Variants in SCGB2B2 observed in about 807,000 individuals in gnomAD.
The protein encoded by SCGB2B2 is secretoglobin-like protein.
A neutral mutation model predicts 7.6 loss-of-function variants in SCGB2B2; 11 were observed. That is an observed-to-expected ratio of 1.45 (90% CI 0.91 to 2.40). The LOEUF is 2.40. SCGB2B2 is among the 30% of genes most tolerant of loss of function. SCGB2B2 has a pLI of 0.00. For synonymous variants in SCGB2B2, 50 were observed against 48.6 expected, an observed-to-expected ratio of 1.03 and a Z score of -0.12; for missense variants, 104 against 115.4, an observed-to-expected ratio of 0.90 and a Z score of 0.45.
intron 1 of SCGB2B2, chr19:34,646,587 T>C (rs563594153): frequency 6.6e-6 from 1 of 152,564 alleles, no homozygotes; most frequent in South Asian, 2.1e-4. Flanking sequence ...TAATGATGGG[T>C]CTGGGGATGC....
At chr19:34,646,083 G>A (rs549146013) in intron 1 of SCGB2B2, 56 of 233,206 alleles carry the variant, frequency 2.4e-4, no homozygotes, top group African/African-American at 1.3e-3. Flanking sequence ...GTGCCCTGGG[G>A]AACCTGCACA....
intron 1 of SCGB2B2, among the ~76,000 whole-genome samples, chr19:34,627,430 G>GAAAAC (rs201956357): frequency 0.035 from 5,334 of 151,994 alleles, 329 homozygotes; most frequent in African/African-American, 0.12. Flanking sequence ...CAAGCAAATG[G>GAAAAC]AAAACAAAAC....
intron 1 of SCGB2B2, among the ~76,000 whole-genome samples, chr19:34,613,287 T>C (rs1192350467): frequency 1.3e-5 from 2 of 152,024 alleles, no homozygotes; most frequent in Admixed American, 1.3e-4. Context: ...TCAGTAGAGA[T>C]GGGTTTCACC....
chr19:34,639,026 C>A (rs1335987329), intron 1 of SCGB2B2, among the ~76,000 whole-genome samples: 3 of 152,198 alleles, frequency 2.0e-5, no homozygotes, highest in Non-Finnish European at 4.4e-5. Flanking sequence ...TCTCCTAAGA[C>A]CATGGGCCAA....
intron 1 of SCGB2B2, among the ~76,000 whole-genome samples, chr19:34,655,661 A>G (rs2067262901): frequency 6.6e-6 from 1 of 151,330 alleles, no homozygotes; most frequent in Non-Finnish European, 1.5e-5. Flanking sequence ...AGCCTTCGAA[A>G]AATATTTTCT....
At chr19:34,605,719 C>G (rs1383486628) in intron 1 of SCGB2B2, among the ~76,000 whole-genome samples, 1 of 152,112 alleles carries the variant, frequency 6.6e-6, no homozygotes, top group Non-Finnish European at 1.5e-5. Flanking sequence ...TCCTGAGTAG[C>G]TGGGAATACA....
downstream of SCGB2B2, among the ~76,000 whole-genome samples, chr19:34,589,420 T>G (rs141568469): frequency 7.4e-3 from 1,131 of 152,266 alleles, 15 homozygotes; most frequent in African/African-American, 0.025. Flanking sequence ...GGGAGGCCCC[T>G]GGACCTGAGT....
At chr19:34,668,255 G>A (rs1162718749) in intron 1 of SCGB2B2, among the ~76,000 whole-genome samples, 1 of 152,218 alleles carries the variant, frequency 6.6e-6, no homozygotes, top group Non-Finnish European at 1.5e-5. Context: ...GGAGTTCCCG[G>A]TGGGCGTGGG....
chr19:34,665,980 G>C (rs1240603280), intron 1 of SCGB2B2, among the ~76,000 whole-genome samples: 1 of 152,086 alleles, frequency 6.6e-6, no homozygotes, highest in Non-Finnish European at 1.5e-5. Context: ...TCTGCTCCCA[G>C]GTCCTCTGTT....
chr19:34,674,691 A>T (rs1443714378), intron 1 of SCGB2B2, among the ~76,000 whole-genome samples: 1 of 152,232 alleles, frequency 6.6e-6, no homozygotes, highest in Non-Finnish European at 1.5e-5. Context: ...AAAGCAGAGA[A>T]ACAATGGTGA....
rs149263384 is a variant in SCGB2B2, at chr19:34,669,391, A to C, written c.-2032+6239T>G. Among the ~76,000 whole-genome samples the C allele has an allele frequency of 2.8e-4, 43 of 152,330 alleles. No homozygotes were observed. The East Asian group carries it at 8.3e-3, about 29-fold the overall frequency. ...CCTAATCTGCTACCCATTCAGACAA[A>C]CAAACTCATTTATCAAATGTTTGTT... On this transcript the variant is annotated intron_variant, in intron 1 of 3. Coordinates refer to ENST00000601241, the MANE Select transcript of SCGB2B2 (RefSeq NM_001025591.4).
chr19:34,629,758 G>GA (rs1386345874), intron 1 of SCGB2B2, among the ~76,000 whole-genome samples: 2 of 151,870 alleles, frequency 1.3e-5, no homozygotes, highest in African/African-American at 4.8e-5. Flanking sequence ...CACAGAATTG[G>GA]AAAAAACTAA....
At position 34,591,176 on chromosome 19, in the gene SCGB2B2, G is replaced by A. The variant is rs1216629426; in HGVS notation, c.*2379C>T. On this transcript the variant is annotated 3_prime_UTR_variant, in exon 4 of 4. Transcript: ENST00000601241. ...CCGTCCTCCTGGATAGCTAATGGATGTCTTGGATGTGGGAAACTTATCCAG... is the reference window on the plus strand; with the variant it reads ...CCGTCCTCCTGGATAGCTAATGGATATCTTGGATGTGGGAAACTTATCCAG... Among the ~76,000 whole-genome samples the A allele has an allele frequency of 1.3e-5, 2 of 152,196 alleles. No homozygotes were observed. Among genetic ancestry groups the A allele is most frequent in the African/African-American group, 2.4e-5 (1 of 41,458 alleles).
chr19:34,626,100 C>T (rs961922194), intron 1 of SCGB2B2, among the ~76,000 whole-genome samples: 2 of 152,166 alleles, frequency 1.3e-5, no homozygotes, highest in Non-Finnish European at 2.9e-5. Context: ...CACCAAAACC[C>T]CATCTGTACG....
chr19:34,654,819 C>T (rs1226549679), intron 1 of SCGB2B2, among the ~76,000 whole-genome samples: 1 of 151,000 alleles, frequency 6.6e-6, no homozygotes. Flanking sequence ...GCCTCTGGGC[C>T]TTCAATGAGA....
At chr19:34,598,750 T>C (rs1383767614) in intron 1 of SCGB2B2, among the ~76,000 whole-genome samples, 2 of 150,948 alleles carry the variant, frequency 1.3e-5, no homozygotes, top group African/African-American at 4.9e-5. Flanking sequence ...TCTCTGTGGC[T>C]GAGACAGGGC....
At chr19:34,638,646 T>C (rs2066758384) in intron 1 of SCGB2B2, among the ~76,000 whole-genome samples, 1 of 152,188 alleles carries the variant, frequency 6.6e-6, no homozygotes, top group African/African-American at 2.4e-5. Flanking sequence ...GATAAAATAG[T>C]CACTGGAAAG....
chr19:34,634,301 G>A (rs950239994), intron 1 of SCGB2B2, among the ~76,000 whole-genome samples: 7 of 152,132 alleles, frequency 4.6e-5, no homozygotes, highest in South Asian at 2.1e-4. Context: ...CCAGGGAAGC[G>A]GAGGGAGTAC....
chr19:34,621,492 G>A lies in SCGB2B2; in HGVS notation c.-2031-24898C>T, dbSNP rs183763082. ...GTCCCAGGCCATCAGAAGCTATCTA[G>A]GGCCTTTCATACATGCACTGACTGG... On this transcript the variant is annotated intron_variant, in intron 1 of 3. Transcript: ENST00000601241. 3.4e-4 allele frequency among the ~76,000 whole-genome samples: 52 copies of A among 150,910 alleles called. 1 individual carries two copies. In the East Asian group the frequency reaches 7.0e-3, roughly 20 times the overall value.
Sources: gnomAD v4.1 joint callset for allele counts (sites outside exome capture counted in the v4.1 genomes callset) on GRCh38, gnomAD v4.1.1 for gene constraint, MANE v1.5 for transcripts, NCBI Gene and HGNC (gene_info 2026-07-23, HGNC 2026-07-21) for gene names.